Variants in LIMA1 observed in about 807,000 individuals in gnomAD.
LIMA1 encodes the protein LIM domain and actin-binding protein 1.
A neutral mutation model predicts 62.6 loss-of-function variants in LIMA1; 52 were observed. That is an observed-to-expected ratio of 0.83 (90% CI 0.67 to 1.05). The LOEUF (loss-of-function observed/expected upper bound fraction) is 1.05, where lower values mean the gene tolerates loss of function less well. Ranked by LOEUF, LIMA1 falls within the 50% of genes least tolerant of loss-of-function variation. The pLI is 0.00. For synonymous variants in LIMA1, 302 were observed against 317.8 expected (o/e 0.95, Z 0.53); for missense variants, 780 against 902.2 (o/e 0.86, Z 1.74).
rs7312996 is a variant in LIMA1, at chr12:50,195,641, T to C, written c.1030+189A>G. On this transcript the variant is annotated intron_variant, in intron 8 of 10. Coordinates refer to ENST00000341247, the MANE Select transcript of LIMA1 (RefSeq NM_016357.5). ...TATTCAGTTTGTCCCAAGTTAACTA[T>C]ATTCAATTGAATTTAACTTCTCCTT... 1,662 of 432,912 alleles carry C rather than the reference T, an allele frequency of 3.8e-3. 29 individuals carry two copies. Among genetic ancestry groups the C allele is most frequent in the African/African-American group, 0.03 (1,473 of 49,180 alleles). 26.8% of individuals were successfully genotyped at this position (432,912 alleles called of 1,614,324 possible).
At chr12:50,244,993 A>G (rs946549415) in intron 2 of LIMA1, among the ~76,000 whole-genome samples, 7 of 152,188 alleles carry the variant, frequency 4.6e-5, no homozygotes, top group Non-Finnish European at 1.0e-4. Flanking sequence ...GAAAAACAGA[A>G]GGCTCCAATC....
chr12:50,210,196 G>A (rs1203585860), intron 4 of LIMA1, among the ~76,000 whole-genome samples: 1 of 152,034 alleles, frequency 6.6e-6, no homozygotes, highest in East Asian at 1.9e-4. Flanking sequence ...GCCGAGGCAG[G>A]TGGATCACTT....
At chr12:50,198,643 G>A (rs1342111164) in intron 7 of LIMA1, among the ~76,000 whole-genome samples, 1 of 152,182 alleles carries the variant, frequency 6.6e-6, no homozygotes, top group Admixed American at 6.6e-5. Flanking sequence ...TTGGAAGAAT[G>A]GCGTCAAGGG....
intron 6 of LIMA1, chr12:50,201,537 T>C: frequency 3.0e-6 from 3 of 984,052 alleles, no homozygotes; most frequent in Non-Finnish European, 3.6e-6. Flanking sequence ...ATAAGGATAA[T>C]TGCATTTTTT....
chr12:50,244,486 G>A (rs1252837436), intron 2 of LIMA1, among the ~76,000 whole-genome samples: 1 of 152,136 alleles, frequency 6.6e-6, no homozygotes, highest in Non-Finnish European at 1.5e-5. Context: ...TGATCCACCT[G>A]CCATGGCCTC....
chr12:50,193,593 G>GAT (rs1276203757), intron 8 of LIMA1, among the ~76,000 whole-genome samples: 31 of 50,990 alleles, frequency 6.1e-4, no homozygotes, highest in South Asian at 3.4e-3. Flanking sequence ...ATGTATATAT[G>GAT]ATATATATAT....
At chr12:50,265,167 C>A (rs1285392029) in intron 1 of LIMA1, among the ~76,000 whole-genome samples, 25 of 149,844 alleles carry the variant, frequency 1.7e-4, no homozygotes, top group East Asian at 1.2e-3. Flanking sequence ...AAAAAAAAAT[C>A]AAAAATGTTA....
chr12:50,225,440 G>C (rs1941513134), intron 3 of LIMA1, among the ~76,000 whole-genome samples: 1 of 151,870 alleles, frequency 6.6e-6, no homozygotes, highest in African/African-American at 2.4e-5. Flanking sequence ...TTTCTATTTT[G>C]TACACTATAT....
chr12:50,212,130 T>C (rs925159848), intron 4 of LIMA1, among the ~76,000 whole-genome samples: 4 of 152,248 alleles, frequency 2.6e-5, no homozygotes, highest in Non-Finnish European at 4.4e-5. Context: ...TTTTTCTGTA[T>C]TTTTTAAAAC....
intron 1 of LIMA1, among the ~76,000 whole-genome samples, chr12:50,271,294 G>T (rs920548068): frequency 1.3e-5 from 2 of 152,046 alleles, no homozygotes; most frequent in South Asian, 2.1e-4. Flanking sequence ...AACTGACTTT[G>T]GTCTAAAATT....
intron 4 of LIMA1, among the ~76,000 whole-genome samples, chr12:50,211,676 T>C (rs1941259806): frequency 1.3e-5 from 2 of 151,990 alleles, no homozygotes. Context: ...CAAACAAAAA[T>C]GATCTCAAAT....
chr12:50,242,295 T>C (rs140220761), intron 2 of LIMA1, among the ~76,000 whole-genome samples: 1 of 152,010 alleles, frequency 6.6e-6, no homozygotes, highest in Non-Finnish European at 1.5e-5. Context: ...CCAGGCTGAC[T>C]TGAAGGTCAA....
chr12:50,280,970 C>T (rs10876014), intron 1 of LIMA1, among the ~76,000 whole-genome samples: 48,811 of 152,026 alleles, frequency 0.32, 8,113 homozygotes, highest in South Asian at 0.48. Flanking sequence ...ACTCGTTATA[C>T]ATTTTCCTAT....
chr12:50,252,309 G>C (rs1290483711), intron 1 of LIMA1, among the ~76,000 whole-genome samples: 2 of 152,202 alleles, frequency 1.3e-5, no homozygotes, highest in Non-Finnish European at 2.9e-5. Flanking sequence ...GCCAGGTGTG[G>C]TGGCTCACGC....
At chr12:50,230,663 G>A (rs369399458) in intron 3 of LIMA1, among the ~76,000 whole-genome samples, 10 of 151,442 alleles carry the variant, frequency 6.6e-5, no homozygotes, top group African/African-American at 1.2e-4. Flanking sequence ...TGCAAGCTCC[G>A]CCTCCCAGGT....
intron 1 of LIMA1, among the ~76,000 whole-genome samples, chr12:50,266,465 C>T (rs1287831618): frequency 6.6e-6 from 1 of 152,194 alleles, no homozygotes; most frequent in Non-Finnish European, 1.5e-5. Flanking sequence ...AGATCTATCT[C>T]AATCTTTCAG....
intron 1 of LIMA1, among the ~76,000 whole-genome samples, chr12:50,253,135 G>C (rs1291135508): frequency 6.6e-6 from 1 of 152,142 alleles, no homozygotes; most frequent in African/African-American, 2.4e-5. Flanking sequence ...CATTAACAGA[G>C]ACAGTAAATA....
At chr12:50,246,112 A>C (rs533304186) in intron 2 of LIMA1, among the ~76,000 whole-genome samples, 4 of 151,804 alleles carry the variant, frequency 2.6e-5, no homozygotes, top group Admixed American at 6.6e-5. Context: ...TGTGCCTGTA[A>C]TCCCAGCTAC....
intron 1 of LIMA1, among the ~76,000 whole-genome samples, chr12:50,252,815 T>TGGTTTAA (rs1941947882): frequency 1.3e-5 from 2 of 152,112 alleles, no homozygotes; most frequent in Admixed American, 1.3e-4. Context: ...TTAACCACAG[T>TGGTTTAA]CTCTCTGGTG....
Sources: gnomAD v4.1 joint callset for allele counts (sites outside exome capture counted in the v4.1 genomes callset) on GRCh38, gnomAD v4.1.1 for gene constraint, MANE v1.5 for transcripts, NCBI Gene and HGNC (gene_info 2026-07-23, HGNC 2026-07-21) for gene names.